POTEJ: variants seen among roughly 807,000 people sequenced by gnomAD.
The protein encoded by POTEJ is POTE ankyrin domain family, member J.
Under a neutral mutation model 69.0 loss-of-function variants are expected in POTEJ, and 11 were observed. The ratio of observed to expected loss-of-function variants is 0.16; its 90% CI spans 0.10 to 0.26. POTEJ has a LOEUF of 0.26. Among genes scored for constraint, POTEJ ranks in the 10% least tolerant of loss-of-function variants. The pLI is 1.00. For missense variants in POTEJ, 327 were observed against 1,045.5 expected (o/e 0.31, Z 9.48); for synonymous variants, 117 against 381.1 (o/e 0.31, Z 8.07).
intron 1 of POTEJ, among the ~76,000 whole-genome samples, chr2:130,616,044 TTTATCTAAATGCTGG>T (rs1289954172): frequency 7.8e-6 from 1 of 128,628 alleles, no homozygotes; most frequent in Non-Finnish European, 1.6e-5. Context: ...GGAACTAAAA[TTTATCTAAATGCTGG>T]TCATCTGACT....
At chr2:130,648,749 T>C (rs1686686410) in intron 13 of POTEJ, among the ~76,000 whole-genome samples, 1 of 146,892 alleles carries the variant, frequency 6.8e-6, no homozygotes, top group African/African-American at 2.6e-5. Flanking sequence ...TTGTTGTTTC[T>C]CATGGCTCAG....
chr2:130,634,038 A>G (rs1481073837), intron 9 of POTEJ, among the ~76,000 whole-genome samples: 2 of 150,908 alleles, frequency 1.3e-5, no homozygotes, highest in Non-Finnish European at 3.0e-5. Flanking sequence ...CAGCCTCTCT[A>G]CTAGTTGGGA....
At position 130,614,167 on chromosome 2, in the gene POTEJ, GAAAA is replaced by G. The variant is rs71273213; in HGVS notation, c.410+2238_410+2241del. 6.2e-4 allele frequency among the ~76,000 whole-genome samples: 32 copies of G among 52,026 alleles called. 1 individual carries two copies. Among genetic ancestry groups the G allele is most frequent in the African/African-American group, 1.8e-3 (28 of 15,364 alleles). The allele number at this position is 52,026 out of a possible 152,430, so 34.1% of individuals were successfully genotyped here. On this transcript the variant is annotated intron_variant, in intron 1 of 14. Coordinates refer to ENST00000409602, the MANE Select transcript of POTEJ (RefSeq NM_001277083.2). ...GTGAGACTCCATCTCAAAAAAAAAA[GAAAA>G]AAAAAAAAAAAAGGAATGAAATACT... is the stretch of plus-strand genomic sequence containing the variant.
At chr2:130,634,923 G>A (rs1251071289) in intron 9 of POTEJ, among the ~76,000 whole-genome samples, 3 of 152,228 alleles carry the variant, frequency 2.0e-5, no homozygotes, top group African/African-American at 4.8e-5. Flanking sequence ...ATTTTTTTCT[G>A]TAAATTATGC....
chr2:130,624,905 G>A (rs1256562756), intron 6 of POTEJ, among the ~76,000 whole-genome samples: 1 of 152,098 alleles, frequency 6.6e-6, no homozygotes, highest in Non-Finnish European at 1.5e-5. Flanking sequence ...CATCATAACA[G>A]TAATTTTGTT....
chr2:130,625,365 C>T (rs1167070333), intron 6 of POTEJ, among the ~76,000 whole-genome samples: 18 of 151,920 alleles, frequency 1.2e-4, no homozygotes, highest in Non-Finnish European at 2.1e-4. Flanking sequence ...ATTAAAAATA[C>T]AGACAGGAGC....
At chr2:130,647,097 G>A (rs1304394153) in intron 13 of POTEJ, among the ~76,000 whole-genome samples, 5 of 150,540 alleles carry the variant, frequency 3.3e-5, no homozygotes, top group African/African-American at 1.3e-4. Flanking sequence ...ATAGGAAATA[G>A]CTCAATTTCC....
intron 1 of POTEJ, among the ~76,000 whole-genome samples, chr2:130,614,117 A>C (rs1685340191): frequency 7.9e-6 from 1 of 126,208 alleles, no homozygotes; most frequent in East Asian, 2.1e-4. Flanking sequence ...AGATCGCGCC[A>C]CTACATTCCA....
At chr2:130,638,288 G>A (rs1686184930) in intron 9 of POTEJ, among the ~76,000 whole-genome samples, 1 of 151,732 alleles carries the variant, frequency 6.6e-6, no homozygotes, top group African/African-American at 2.4e-5. Flanking sequence ...TTAAGCCTAA[G>A]AGAAGCAGCT....
intron 10 of POTEJ, among the ~76,000 whole-genome samples, chr2:130,640,820 T>A (rs1168840731): frequency 2.0e-5 from 3 of 152,208 alleles, no homozygotes; most frequent in East Asian, 1.9e-4. Flanking sequence ...GATTGGGATA[T>A]TAAATATCCC....
At chr2:130,641,317 A>G (rs1220029637) in intron 10 of POTEJ, among the ~76,000 whole-genome samples, 2 of 151,826 alleles carry the variant, frequency 1.3e-5, no homozygotes, top group African/African-American at 2.4e-5. Flanking sequence ...TAAGGTTTTC[A>G]CCCGTCCATG....
At chr2:130,642,377 T>C (rs1686416600) in intron 10 of POTEJ, among the ~76,000 whole-genome samples, 1 of 109,204 alleles carries the variant, frequency 9.2e-6, no homozygotes, top group Non-Finnish European at 1.8e-5. Context: ...CTGTTAATTG[T>C]ATTCATATGC....
At chr2:130,631,237 A>C (rs904657190) in intron 7 of POTEJ, among the ~76,000 whole-genome samples, 172 bp from the exon 8 acceptor site, 1 of 141,994 alleles carries the variant, frequency 7.0e-6, no homozygotes, top group African/African-American at 2.8e-5. Flanking sequence ...TTAATTCTTA[A>C]TTTTAATTAT....
intron 10 of POTEJ, among the ~76,000 whole-genome samples, chr2:130,641,673 G>A (rs1440185016): frequency 5.3e-5 from 8 of 151,684 alleles, no homozygotes; most frequent in Non-Finnish European, 8.8e-5. Context: ...GGTGAATACA[G>A]GAGAGCAAAG....
chr2:130,627,106 A>T (rs1255392189), intron 6 of POTEJ, among the ~76,000 whole-genome samples: 2 of 152,092 alleles, frequency 1.3e-5, no homozygotes, highest in Admixed American at 6.5e-5. Context: ...GATGTGAGGA[A>T]GAAGGAGGAA....
chr2:130,637,430 C>G (rs1288422598), intron 9 of POTEJ, among the ~76,000 whole-genome samples: 1 of 149,854 alleles, frequency 6.7e-6, no homozygotes, highest in South Asian at 2.1e-4. Flanking sequence ...GCCTCAGCCT[C>G]CCAAGGAGCT....
At chr2:130,640,835 G>A (rs1573989143) in intron 10 of POTEJ, among the ~76,000 whole-genome samples, 1 of 152,212 alleles carries the variant, frequency 6.6e-6, no homozygotes, top group Admixed American at 6.5e-5. Flanking sequence ...TATCCCAATA[G>A]ACTTATGTTT....
chr2:130,655,491 G>C (rs62165273), intron 14 of POTEJ, among the ~76,000 whole-genome samples: 1 of 152,084 alleles, frequency 6.6e-6, no homozygotes, highest in Admixed American at 6.5e-5. Context: ...GAGAGGAACA[G>C]TTTGCTCCAA....
intron 6 of POTEJ, among the ~76,000 whole-genome samples, chr2:130,626,005 G>T (rs537951026): frequency 1.8e-4 from 26 of 141,080 alleles, no homozygotes; most frequent in South Asian, 1.5e-3. Context: ...TTTTATTCAC[G>T]TCTCCTTTCA....
Sources: allele counts gnomAD v4.1 joint callset (sites outside exome capture counted in the v4.1 genomes callset), GRCh38; gene constraint gnomAD v4.1.1; transcripts MANE v1.5; gene names NCBI Gene and HGNC (gene_info 2026-07-23, HGNC 2026-07-21).